The following SND1 variants were observed in gnomAD, a reference collection of about 807,000 sequenced individuals.
SND1 encodes staphylococcal nuclease and tudor domain containing 1, also known as staphylococcal nuclease domain-containing protein 1.
In SND1, 38 loss-of-function variants were observed where a neutral mutation model predicts 121.7. The ratio of observed to expected loss-of-function variants is 0.31; its 90% CI spans 0.24 to 0.41. SND1 has a LOEUF of 0.41. Among genes scored for constraint, SND1 ranks in the 10% least tolerant of loss-of-function variants. The probability of loss-of-function intolerance (pLI) is 1.00; values close to 1 mark genes in which losing one functional copy is unlikely to be tolerated. For synonymous variants in SND1, 401 were observed against 447.4 expected, an observed-to-expected ratio of 0.90 and a Z score of 1.31; for missense variants, 868 against 1,184.6, an observed-to-expected ratio of 0.73 and a Z score of 3.92.
intron 12 of SND1, among the ~76,000 whole-genome samples, chr7:127,886,655 A>C (rs1478201897): frequency 6.6e-6 from 1 of 152,076 alleles, no homozygotes; most frequent in Non-Finnish European, 1.5e-5. Context: ...AATTATACTT[A>C]ATTTTTGAAA....
chr7:127,876,224 T>C (rs1799687203), intron 12 of SND1, among the ~76,000 whole-genome samples: 1 of 152,070 alleles, frequency 6.6e-6, no homozygotes, highest in South Asian at 2.1e-4. Context: ...AAGTTTTCTG[T>C]GGTGGTTGTG....
At chr7:127,911,487 G>A (rs890029681) in intron 14 of SND1, among the ~76,000 whole-genome samples, 7 of 151,704 alleles carry the variant, frequency 4.6e-5, no homozygotes, top group Non-Finnish European at 1.0e-4. Context: ...TGGGATTGCA[G>A]GAGTGAGCTA....
At chr7:127,730,059 T>C (rs1350989806) in intron 10 of SND1, among the ~76,000 whole-genome samples, 1 of 152,168 alleles carries the variant, frequency 6.6e-6, no homozygotes, top group African/African-American at 2.4e-5. Context: ...TGCCTCTGCC[T>C]CTGCCTTCAA....
chr7:127,663,370 T>A (rs897411795), intron 1 of SND1, among the ~76,000 whole-genome samples: 1 of 149,134 alleles, frequency 6.7e-6, no homozygotes, highest in East Asian at 1.9e-4. Context: ...GAGGGCCTAC[T>A]GTACTTCTTT....
chr7:127,750,803 A>G (rs1797076996), intron 10 of SND1, among the ~76,000 whole-genome samples: 3 of 152,210 alleles, frequency 2.0e-5, no homozygotes, highest in Admixed American at 2.0e-4. Context: ...GCTTTAAAGT[A>G]ACCTCACATC....
chr7:127,679,248 C>T (rs1795665900), intron 1 of SND1: 3 of 152,170 alleles, frequency 2.0e-5, no homozygotes, highest in Non-Finnish European at 4.4e-5. Flanking sequence ...AAGGTTTATA[C>T]TTATAGCCGC....
chr7:128,021,158 A>G (rs1803341488), intron 16 of SND1, among the ~76,000 whole-genome samples: 1 of 152,236 alleles, frequency 6.6e-6, no homozygotes, highest in Admixed American at 6.5e-5. Flanking sequence ...CAGTTCACAC[A>G]GGCAGACACT....
chr7:127,849,659 A>T (rs1214661935), intron 12 of SND1, among the ~76,000 whole-genome samples: 1 of 148,848 alleles, frequency 6.7e-6, no homozygotes, highest in East Asian at 1.9e-4. Context: ...AAAGTTAAAG[A>T]ATGGCACAGA....
intron 16 of SND1, chr7:128,028,827 A>G (rs1204211340): frequency 6.2e-7 from 1 of 1,614,044 alleles, no homozygotes; most frequent in African/African-American, 1.3e-5. Context: ...GTTGTAGTTA[A>G]TATGGTCATG....
chr7:127,662,095 G>GGCA (rs1487292667), intron 1 of SND1, among the ~76,000 whole-genome samples: 1 of 151,924 alleles, frequency 6.6e-6, no homozygotes, highest in Admixed American at 6.6e-5. Flanking sequence ...CAGCCTGGGC[G>GGCA]GCAGAGGAAG....
At position 128,029,257 on chromosome 7, in the gene SND1, T is replaced by G; in HGVS notation, c.1779+38201T>G. 1 of 1,614,144 alleles carries G rather than the reference T, an allele frequency of 6.2e-7. No homozygotes were observed. The highest frequency in any genetic ancestry group is 8.5e-7 in the Non-Finnish European group (1 of 1,180,042). ...GTTGTGTCCTCAGGCGAGATCTCCG[T>G]GGTCTCCACTGTTACTGTGGTGAAG... On this transcript the variant is annotated intron_variant, in intron 16 of 23. Transcript: ENST00000354725. The surrounding 1 kb of genome is among the most constrained non-coding windows in gnomAD (Gnocchi z 4.2).
At chr7:128,017,738 G>A (rs1213321304) in intron 16 of SND1, among the ~76,000 whole-genome samples, 1 of 152,258 alleles carries the variant, frequency 6.6e-6, no homozygotes, top group African/African-American at 2.4e-5. Context: ...AACTGCAGCA[G>A]CGAAGCCTGA....
At chr7:128,089,713 G>T in intron 22 of SND1, 21 bp downstream of exon 22, 1 of 1,609,044 alleles carries the variant, frequency 6.2e-7, no homozygotes, top group Non-Finnish European at 8.5e-7. Flanking sequence ...TGGAGAGGCG[G>T]CCCCAGCATT....
At chr7:127,679,222 AT>A (rs1795665273) in intron 1 of SND1, 2 of 152,154 alleles carry the variant, frequency 1.3e-5, no homozygotes, top group African/African-American at 4.8e-5. Context: ...CTACCTAGTT[AT>A]TTCTAGAGGA....
intron 9 of SND1, among the ~76,000 whole-genome samples, chr7:127,712,307 C>T (rs1018153576): frequency 1.1e-4 from 16 of 152,016 alleles, no homozygotes; most frequent in Admixed American, 3.9e-4. Context: ...TACAGGTGCA[C>T]GCTAACACAC....
In SND1 at chr7:127,720,518, G is replaced by A. The variant is rs189158614; in HGVS notation, c.1039-769G>A. On this transcript the variant is annotated intron_variant, in intron 9 of 23. Coordinates refer to ENST00000354725, the MANE Select transcript of SND1 (RefSeq NM_014390.4). Reference sequence around the variant, plus strand: ...CCCAGTTTGAATGGAGTTTTATTCTGCACACATTGTAGAATGTTCTAATAA... The same window carrying A: ...CCCAGTTTGAATGGAGTTTTATTCTACACACATTGTAGAATGTTCTAATAA... Among the ~76,000 whole-genome samples, 43 of 152,312 alleles carry A rather than the reference G, an allele frequency of 2.8e-4. No homozygotes were observed. The East Asian group carries it at 7.9e-3, about 28-fold the overall frequency.
chr7:128,024,915 A>G (rs1234326320), intron 16 of SND1, among the ~76,000 whole-genome samples: 1 of 152,184 alleles, frequency 6.6e-6, no homozygotes, highest in Non-Finnish European at 1.5e-5. Context: ...TCTGTGGTCC[A>G]GTAGGTGTTT....
chr7:127,920,820 C>G (rs1178876752), intron 14 of SND1, among the ~76,000 whole-genome samples: 1 of 144,878 alleles, frequency 6.9e-6, no homozygotes, highest in Non-Finnish European at 1.5e-5. Context: ...GGCACAGATA[C>G]ACCATCATCT....
At chr7:128,075,816 A>G (rs1215856354) in intron 17 of SND1, among the ~76,000 whole-genome samples, 1 of 152,238 alleles carries the variant, frequency 6.6e-6, no homozygotes, top group Non-Finnish European at 1.5e-5. Flanking sequence ...TCCTCCTCCC[A>G]GAATGAGGGG....
Sources: allele counts gnomAD v4.1 joint callset (sites outside exome capture counted in the v4.1 genomes callset), GRCh38; gene constraint gnomAD v4.1.1; non-coding constraint Gnocchi (gnomAD v3.1); transcripts MANE v1.5; gene names NCBI Gene and HGNC (gene_info 2026-07-23, HGNC 2026-07-21).